The following DPYD variants were observed in gnomAD, a reference collection of about 807,000 sequenced individuals.
DPYD encodes dihydropyrimidine dehydrogenase, also known as dihydropyrimidine dehydrogenase [NADP(+)].
DPYD carries 109 observed loss-of-function variants against 116.2 expected under a neutral mutation model. The ratio of observed to expected loss-of-function variants is 0.94; its 90% CI spans 0.80 to 1.10. DPYD has a LOEUF of 1.10. Among genes scored for constraint, DPYD ranks in the 50% least tolerant of loss-of-function variants. The pLI, the probability that DPYD is intolerant of heterozygous loss-of-function variation, is 0.00. For synonymous variants in DPYD, 440 were observed against 432.0 expected (o/e 1.02, Z -0.23); for missense variants, 1,302 against 1,254.5 (o/e 1.04, Z -0.57).
intron 18 of DPYD, among the ~76,000 whole-genome samples, chr1:97,287,796 G>T (rs1038329352): frequency 4.6e-5 from 7 of 152,056 alleles, no homozygotes; most frequent in African/African-American, 1.7e-4. Flanking sequence ...CTCAGTATTA[G>T]GGTGGGAGTG....
chr1:97,583,487 T>C (rs1191130255), intron 10 of DPYD, among the ~76,000 whole-genome samples: 1 of 152,148 alleles, frequency 6.6e-6, no homozygotes, highest in Non-Finnish European at 1.5e-5. Flanking sequence ...CTACGTTCTG[T>C]GTAACTTGGT....
Position 97,268,510 on chromosome 1 carries a change from G to A in DPYD, c.2300-33516C>T, listed in dbSNP as rs149553350. Among the ~76,000 whole-genome samples, 5 of 152,218 alleles carry A rather than the reference G, an allele frequency of 3.3e-5. No individual in the cohort carries two copies. The East Asian group carries it at 9.7e-4, about 29-fold the overall frequency. On this transcript the variant is annotated intron_variant, in intron 18 of 22. Transcript: ENST00000370192. ...AGAGATCCTTTGAAATCTAGGTGGAGGGTGCCATGGCCCCAGAGCTCCTGT... is the reference window on the plus strand; with the variant it reads ...AGAGATCCTTTGAAATCTAGGTGGAAGGTGCCATGGCCCCAGAGCTCCTGT...
At chr1:97,824,947 T>C (rs191352671) in intron 3 of DPYD, among the ~76,000 whole-genome samples, 5 of 152,264 alleles carry the variant, frequency 3.3e-5, no homozygotes, top group South Asian at 2.1e-4. Context: ...CCTTGAGTTG[T>C]TGCATTGTAT....
chr1:97,612,117 G>A (rs769597376), intron 8 of DPYD, among the ~76,000 whole-genome samples: 1 of 151,938 alleles, frequency 6.6e-6, no homozygotes, highest in Non-Finnish European at 1.5e-5. Flanking sequence ...TTGATATTAA[G>A]TGGTATTAAA....
intron 19 of DPYD, among the ~76,000 whole-genome samples, chr1:97,224,373 C>T (rs1364138667): frequency 6.6e-6 from 1 of 151,938 alleles, no homozygotes; most frequent in African/African-American, 2.4e-5. Context: ...TTCATTGAAG[C>T]ATTTTATCCA....
At chr1:97,600,636 C>A (rs926840701) in intron 8 of DPYD, among the ~76,000 whole-genome samples, 1 of 152,144 alleles carries the variant, frequency 6.6e-6, no homozygotes, top group Non-Finnish European at 1.5e-5. Context: ...TGGGCAACAG[C>A]TTCCTCATCA....
chr1:97,813,937 C>CACACACACAT (rs922880543), intron 3 of DPYD, among the ~76,000 whole-genome samples: 1 of 151,672 alleles, frequency 6.6e-6, no homozygotes, highest in African/African-American at 2.4e-5. Context: ...CACACACACA[C>CACACACACAT]ACACACACAC....
chr1:97,789,950 C>A (rs1297537453), intron 3 of DPYD, among the ~76,000 whole-genome samples: 1 of 152,052 alleles, frequency 6.6e-6, no homozygotes, highest in African/African-American at 2.4e-5. Context: ...AAACAAAAAA[C>A]GAAGCCCTTC....
chr1:97,811,744 T>C (rs1668359426), intron 3 of DPYD, among the ~76,000 whole-genome samples: 1 of 152,174 alleles, frequency 6.6e-6, no homozygotes, highest in Non-Finnish European at 1.5e-5. Context: ...TCCCCTATTA[T>C]AATCTCCAAA....
intron 15 of DPYD, among the ~76,000 whole-genome samples, chr1:97,379,122 C>A (rs1671796089): frequency 6.6e-6 from 1 of 152,038 alleles, no homozygotes; most frequent in Non-Finnish European, 1.5e-5. Flanking sequence ...AACTACGTAG[C>A]CAGAGGCTCA....
chr1:97,243,932 T>G (rs778901040), intron 18 of DPYD, among the ~76,000 whole-genome samples: 6 of 151,882 alleles, frequency 4.0e-5, no homozygotes, highest in Admixed American at 2.0e-4. Flanking sequence ...CCAAGAATAA[T>G]AGGACAAAGA....
intron 13 of DPYD, among the ~76,000 whole-genome samples, chr1:97,508,067 A>G (rs1421614961): frequency 3.3e-5 from 5 of 152,040 alleles, no homozygotes. Context: ...GGCACTGGGC[A>G]TGCTGTAGTG....
chr1:97,254,562 C>A (rs1481601310), intron 18 of DPYD, among the ~76,000 whole-genome samples: 1 of 152,090 alleles, frequency 6.6e-6, no homozygotes, highest in Non-Finnish European at 1.5e-5. Flanking sequence ...TTTCAGGTTA[C>A]TCCAGAAACT....
chr1:97,821,109 T>C (rs578237387), intron 3 of DPYD, among the ~76,000 whole-genome samples: 3 of 152,012 alleles, frequency 2.0e-5, no homozygotes, highest in East Asian at 3.9e-4. Flanking sequence ...GGAGGGCAGA[T>C]CACCTGAGGT....
chr1:97,555,312 G>C (rs2102108433), intron 11 of DPYD, among the ~76,000 whole-genome samples: 1 of 152,142 alleles, frequency 6.6e-6, no homozygotes, highest in South Asian at 2.1e-4. Context: ...AGAAATCATA[G>C]TCATTTAGGG....
chr1:97,909,133 T>C (rs1673792035), intron 1 of DPYD, among the ~76,000 whole-genome samples: 1 of 152,156 alleles, frequency 6.6e-6, no homozygotes, highest in Non-Finnish European at 1.5e-5. Flanking sequence ...TACTTTCACC[T>C]GTTCTTCAAA....
At chr1:97,395,073 C>A (rs1163016108) in intron 14 of DPYD, among the ~76,000 whole-genome samples, 1 of 151,844 alleles carries the variant, frequency 6.6e-6, no homozygotes, top group Non-Finnish European at 1.5e-5. Context: ...CTCTCCTGTG[C>A]CCTATTGCTC....
chr1:97,883,273 C>A lies in DPYD; in HGVS notation c.141G>T (p.Lys47Asn), dbSNP rs746681994. 1.9e-6 allele frequency: 3 copies of A among 1,606,806 alleles called. No homozygotes were observed. Among genetic ancestry groups the A allele is most frequent in the Middle Eastern group, 1.7e-4 (1 of 6,038 alleles). Residue 47 changes from lysine to asparagine, a missense_variant, in exon 2 of 23, where the codon AAG becomes AAT. Physicochemically the swap from Lys to Asn is moderately conservative, Grantham distance 94. Coordinates refer to ENST00000370192, the MANE Select transcript of DPYD (RefSeq NM_000110.4). ...TATCAGTGGTACTTACAAAGCAGTT[C>A]TTATCAGGATTTCTTTTCCAATGTT... Reference protein sequence around the residue: ...DKKHWKRNPDKNCFNCEKLEN... With the variant: ...DKKHWKRNPDNNCFNCEKLEN...
chr1:97,659,785 C>A (rs996331531), intron 8 of DPYD, among the ~76,000 whole-genome samples: 2 of 152,092 alleles, frequency 1.3e-5, no homozygotes, highest in African/African-American at 4.8e-5. Context: ...TGCCCTTCAT[C>A]GAGTCATACA....
Sources: gnomAD v4.1 joint callset for allele counts (sites outside exome capture counted in the v4.1 genomes callset) on GRCh38, gnomAD v4.1.1 for gene constraint, MANE v1.5 for transcripts, NCBI Gene and HGNC (gene_info 2026-07-23, HGNC 2026-07-21) for gene names.